The following TNR variants were observed in gnomAD, a reference collection of about 807,000 sequenced individuals.
TNR encodes the protein tenascin R, also known as tenascin-R.
A neutral mutation model predicts 150.4 loss-of-function variants in TNR; 45 were observed. That is an observed-to-expected ratio of 0.30 (90% confidence interval 0.24 to 0.38). TNR has a LOEUF of 0.38. Ranked by LOEUF, TNR falls within the 10% of genes least tolerant of loss-of-function variation. The probability of loss-of-function intolerance (pLI) is 1.00; values close to 1 mark genes in which losing one functional copy is unlikely to be tolerated. For missense variants in TNR, 1,544 were observed against 1,759.1 expected (o/e 0.88, Z 2.19); for synonymous variants, 687 against 678.4 (o/e 1.01, Z -0.20).
intron 2 of TNR, among the ~76,000 whole-genome samples, chr1:175,426,171 T>G (rs1425473408): frequency 6.6e-6 from 1 of 152,126 alleles, no homozygotes; most frequent in Non-Finnish European, 1.5e-5. Flanking sequence ...GTGTTTGGAG[T>G]GGTAGATTCC....
intron 7 of TNR, among the ~76,000 whole-genome samples, chr1:175,387,710 G>A (rs1652998907): frequency 6.6e-6 from 1 of 152,196 alleles, no homozygotes; most frequent in African/African-American, 2.4e-5. Flanking sequence ...TGTTACTGGA[G>A]AGCCTTGGCT....
intron 2 of TNR, among the ~76,000 whole-genome samples, chr1:175,434,438 C>A (rs1394612722): frequency 1.3e-5 from 2 of 152,184 alleles, no homozygotes; most frequent in Admixed American, 1.3e-4. Flanking sequence ...CTGGCCAGCA[C>A]CGCGGCTGCT....
chr1:175,409,179 C>T (rs1557915406), intron 2 of TNR, among the ~76,000 whole-genome samples: 1 of 152,218 alleles, frequency 6.6e-6, no homozygotes. Flanking sequence ...CAGTCATTTA[C>T]ACACAGACGG....
At chr1:175,447,152 C>G (rs567903012) in intron 2 of TNR, among the ~76,000 whole-genome samples, 1 of 149,734 alleles carries the variant, frequency 6.7e-6, no homozygotes, top group South Asian at 2.1e-4. Context: ...CATCTGGGAT[C>G]TTTCACTCTT....
At chr1:175,418,722 GAA>G (rs71565437) in intron 2 of TNR, among the ~76,000 whole-genome samples, 44 of 129,876 alleles carry the variant, frequency 3.4e-4, no homozygotes, top group African/African-American at 8.9e-4. Flanking sequence ...GAGAGAGAGA[GAA>G]AAAAAAAAAA....
intron 1 of TNR, among the ~76,000 whole-genome samples, chr1:175,559,760 A>G (rs1336452902): frequency 1.3e-5 from 2 of 152,212 alleles, no homozygotes; most frequent in Non-Finnish European, 2.9e-5. Context: ...GTTTGTAGCC[A>G]TAACAATGAA....
In TNR at chr1:175,403,428, A is replaced by C; in HGVS notation, c.688T>G (p.Cys230Gly). ...TCTGTTGGGCACCGGAGTTCGGAAC[A>C]GTCATCCCCGCTGTACTCGCTGTCA... ...ICDSEYSGDDCSELRCPTDCS... is the reference protein window; with the variant it reads ...ICDSEYSGDDGSELRCPTDCS... The change falls in exon 4 of 23, where the codon TGT (cysteine) becomes GGT (glycine). Residue 230 changes from cysteine to glycine, a missense_variant. Cys to Gly is a radical substitution (Grantham distance 159, BLOSUM62 -3). Around this residue, in one of 2 missense-constraint regions of TNR, gnomAD observed 1,254 missense variants for 1,329.4 expected, o/e 0.94. Transcript: ENST00000367674. 6.2e-7 allele frequency: 1 copy of C among 1,614,198 alleles called. No homozygotes were observed. The highest frequency in any genetic ancestry group is 8.5e-7 in the Non-Finnish European group (1 of 1,180,044).
At chr1:175,643,494 G>A (rs556691248) in intron 1 of TNR, among the ~76,000 whole-genome samples, 4 of 152,188 alleles carry the variant, frequency 2.6e-5, no homozygotes, top group East Asian at 1.9e-4. Flanking sequence ...AACCAGACAC[G>A]GTGCTTTGTT....
At chr1:175,458,646 G>A (rs1181709652) in intron 2 of TNR, among the ~76,000 whole-genome samples, 3 of 152,130 alleles carry the variant, frequency 2.0e-5, no homozygotes, top group Non-Finnish European at 2.9e-5. Flanking sequence ...CCAGCAGGCA[G>A]TCTCCCTCAC....
intron 1 of TNR, among the ~76,000 whole-genome samples, chr1:175,726,608 G>C (rs1288558741): frequency 6.6e-6 from 1 of 152,242 alleles, no homozygotes; most frequent in African/African-American, 2.4e-5. Context: ...CTGTGACTAA[G>C]AAAACATCTT....
chr1:175,696,607 G>A (rs560357380), intron 1 of TNR, among the ~76,000 whole-genome samples: 10 of 152,232 alleles, frequency 6.6e-5, no homozygotes, highest in African/African-American at 1.7e-4. Flanking sequence ...GGCCCCAACC[G>A]ATTTTAAAAA....
At chr1:175,469,893 G>C (rs915895930) in intron 2 of TNR, among the ~76,000 whole-genome samples, 2 of 152,092 alleles carry the variant, frequency 1.3e-5, no homozygotes, top group Admixed American at 6.6e-5. Context: ...AAGCAGGAGA[G>C]AGTGAGGGCA....
chr1:175,655,326 T>G (rs1468145396), intron 1 of TNR, among the ~76,000 whole-genome samples: 1 of 152,240 alleles, frequency 6.6e-6, no homozygotes, highest in East Asian at 1.9e-4. Flanking sequence ...TAATTTTTCC[T>G]ATTAATTCAC....
intron 1 of TNR, among the ~76,000 whole-genome samples, chr1:175,566,180 T>C (rs1300126641): frequency 6.6e-6 from 1 of 152,246 alleles, no homozygotes; most frequent in African/African-American, 2.4e-5. Flanking sequence ...GGACTCTTAG[T>C]ACATCAAAAT....
At chr1:175,719,745 G>A (rs1322453474) in intron 1 of TNR, among the ~76,000 whole-genome samples, 1 of 152,172 alleles carries the variant, frequency 6.6e-6, no homozygotes, top group Non-Finnish European at 1.5e-5. Flanking sequence ...ACCCCGCTGG[G>A]AGATACAGCA....
chr1:175,624,824 G>A (rs1439556871), intron 1 of TNR, among the ~76,000 whole-genome samples: 4 of 152,132 alleles, frequency 2.6e-5, no homozygotes, highest in African/African-American at 9.7e-5. Flanking sequence ...ATGGAGCAAC[G>A]TGCAGAGAAG....
intron 1 of TNR, among the ~76,000 whole-genome samples, chr1:175,700,345 C>G (rs1388015508): frequency 6.6e-6 from 1 of 152,172 alleles, no homozygotes; most frequent in Non-Finnish European, 1.5e-5. Context: ...TATGAAGCAC[C>G]TTCTGACGCA....
chr1:175,667,167 T>C (rs626377), intron 1 of TNR, among the ~76,000 whole-genome samples: 61,484 of 151,962 alleles, frequency 0.4, 12,756 homozygotes, highest in Middle Eastern at 0.5. Flanking sequence ...ACCACCTCCA[T>C]GACATCTTCC....
intron 1 of TNR, among the ~76,000 whole-genome samples, chr1:175,654,199 G>T (rs2101891624): frequency 6.6e-6 from 1 of 152,212 alleles, no homozygotes; most frequent in South Asian, 2.1e-4. Context: ...TCATGGCCTT[G>T]AGACACCCAA....
Sources: allele counts gnomAD v4.1 joint callset (sites outside exome capture counted in the v4.1 genomes callset), GRCh38; gene constraint gnomAD v4.1.1; regional missense constraint gnomAD v4.1.1; transcripts MANE v1.5; gene names NCBI Gene and HGNC (gene_info 2026-07-23, HGNC 2026-07-21).